The following SORCS2 variants were observed in gnomAD, a reference collection of about 807,000 sequenced individuals.
SORCS2 encodes the protein sortilin related VPS10 domain containing receptor 2.
SORCS2 carries 100 observed loss-of-function variants against 141.6 expected under a neutral mutation model. The observed-to-expected ratio is 0.71, with a 90% CI of 0.60 to 0.83. The LOEUF (loss-of-function observed/expected upper bound fraction) is 0.83. Among genes scored for constraint, SORCS2 ranks in the 40% least tolerant of loss-of-function variants. The pLI is 0.00. For synonymous variants in SORCS2, 789 were observed against 676.9 expected, an observed-to-expected ratio of 1.17 and a Z score of -2.57; for missense variants, 1,646 against 1,560.2, an observed-to-expected ratio of 1.05 and a Z score of -0.93.
At chr4:7,498,729 G>T (rs1731781586) in intron 2 of SORCS2, among the ~76,000 whole-genome samples, 1 of 152,362 alleles carries the variant, frequency 6.6e-6, no homozygotes, top group East Asian at 1.9e-4. Context: ...TGGAGCAGAG[G>T]TGTCTACACC....
intron 19 of SORCS2, among the ~76,000 whole-genome samples, chr4:7,724,372 ATGG>A (rs1447472207): frequency 1.9e-4 from 24 of 128,608 alleles, no homozygotes; most frequent in Admixed American, 3.2e-4. Context: ...AATGGTGATG[ATGG>A]TGGTGATAGG....
intron 3 of SORCS2, among the ~76,000 whole-genome samples, chr4:7,567,405 A>G (rs1365046566): frequency 6.6e-6 from 1 of 151,928 alleles, no homozygotes; most frequent in Non-Finnish European, 1.5e-5. Context: ...CTTGTTTGTG[A>G]TAACTTTGAC....
chr4:7,380,811 T>C (rs1379139711), intron 1 of SORCS2, among the ~76,000 whole-genome samples: 5 of 152,296 alleles, frequency 3.3e-5, no homozygotes, highest in Non-Finnish European at 5.9e-5. Flanking sequence ...GTTAATTAGG[T>C]GCGGTGGCTC....
chr4:7,714,210 C>A, intron 15 of SORCS2, 30 bp from the exon 16 acceptor site: 1 of 1,599,846 alleles, frequency 6.3e-7, no homozygotes, highest in Non-Finnish European at 8.5e-7. Context: ...CTGTCTCAGG[C>A]AGCTCCTTAC....
At chr4:7,481,449 C>A (rs1005658116) in intron 2 of SORCS2, among the ~76,000 whole-genome samples, 6 of 152,088 alleles carry the variant, frequency 3.9e-5, no homozygotes, top group Admixed American at 3.9e-4. Flanking sequence ...GCCGGGAGGC[C>A]CAGGAAACCT....
chr4:7,474,492 G>A (rs112871916), intron 2 of SORCS2, among the ~76,000 whole-genome samples: 5 of 152,210 alleles, frequency 3.3e-5, no homozygotes, highest in Admixed American at 1.3e-4. Context: ...GCTGATGTCC[G>A]CAGCACGGTC....
chr4:7,637,572 C>A (rs1013742244), intron 3 of SORCS2, among the ~76,000 whole-genome samples: 1 of 152,064 alleles, frequency 6.6e-6, no homozygotes, highest in African/African-American at 2.4e-5. Context: ...AGAACAGTGC[C>A]CCGCACTCCA....
chr4:7,675,424 G>A (rs1723045590), intron 8 of SORCS2, among the ~76,000 whole-genome samples: 1 of 152,184 alleles, frequency 6.6e-6, no homozygotes, highest in African/African-American at 2.4e-5. Context: ...AAAGAAGTCT[G>A]GCACATGTAC....
At chr4:7,707,872 T>C (rs1346587992) in intron 14 of SORCS2, among the ~76,000 whole-genome samples, 1 of 152,104 alleles carries the variant, frequency 6.6e-6, no homozygotes, top group African/African-American at 2.4e-5. Flanking sequence ...AGAGGTGAGC[T>C]GGGCCCATCA....
At chr4:7,370,069 GC>G (rs1235928588) in intron 1 of SORCS2, among the ~76,000 whole-genome samples, 1 of 152,178 alleles carries the variant, frequency 6.6e-6, no homozygotes, top group South Asian at 2.1e-4. Flanking sequence ...TGGCCTCAGT[GC>G]CCCCCCAGCT....
At chr4:7,226,518 G>T (rs1729002175) in intron 1 of SORCS2, among the ~76,000 whole-genome samples, 1 of 152,148 alleles carries the variant, frequency 6.6e-6, no homozygotes, top group South Asian at 2.1e-4. Flanking sequence ...GAATGTATGA[G>T]GGGACTCATC....
intron 4 of SORCS2, among the ~76,000 whole-genome samples, chr4:7,641,449 A>G (rs1425546955): frequency 6.6e-6 from 1 of 152,168 alleles, no homozygotes; most frequent in Non-Finnish European, 1.5e-5. Flanking sequence ...CCATGATCCA[A>G]TCACTTCCCA....
chr4:7,296,198 A>G (rs1429087572), intron 1 of SORCS2, among the ~76,000 whole-genome samples: 1 of 152,146 alleles, frequency 6.6e-6, no homozygotes, highest in African/African-American at 2.4e-5. Flanking sequence ...GGGTGCCCCC[A>G]TCTTCCTGGA....
At chr4:7,545,670 C>T (rs574680054) in intron 3 of SORCS2, among the ~76,000 whole-genome samples, 4 of 152,160 alleles carry the variant, frequency 2.6e-5, no homozygotes, top group African/African-American at 9.7e-5. Flanking sequence ...AGACCCACCC[C>T]GCTGCATCAG....
chr4:7,657,393 TAAC>T lies in SORCS2; in HGVS notation c.887+3187_887+3189del, dbSNP rs1721843225. ...CTGAGTGAGTAAATGGATGAGTAAA[TAAC>T]TGAGTGTGTGATTGAGTGAGGGAAT... On this transcript the variant is annotated intron_variant, in intron 5 of 26. Coordinates refer to ENST00000507866, the MANE Select transcript of SORCS2 (RefSeq NM_020777.3). 2.8e-4 allele frequency among the ~76,000 whole-genome samples: 10 copies of T among 35,934 alleles called. No homozygotes were observed. In the Admixed American group the frequency reaches 4.4e-3, roughly 16 times the overall value. 23.6% of individuals were successfully genotyped at this position (35,934 alleles called of 152,430 possible).
At chr4:7,496,720 G>A (rs964849514) in intron 2 of SORCS2, among the ~76,000 whole-genome samples, 2 of 152,140 alleles carry the variant, frequency 1.3e-5, no homozygotes, top group South Asian at 2.1e-4. Flanking sequence ...CAAAGCTACA[G>A]AAGGGAGCGA....
chr4:7,242,827 C>T (rs940379137), intron 1 of SORCS2, among the ~76,000 whole-genome samples: 4 of 152,222 alleles, frequency 2.6e-5, no homozygotes, highest in African/African-American at 4.8e-5. Context: ...TGTCTATGAG[C>T]GCCCCAGCTT....
chr4:7,434,406 G>A (rs756174829), intron 2 of SORCS2: 2 of 1,608,244 alleles, frequency 1.2e-6, no homozygotes, highest in Admixed American at 3.4e-5. Flanking sequence ...CAGCCTCAAA[G>A]GTGTCCTCTT....
At chr4:7,400,656 T>C (rs991746328) in intron 2 of SORCS2, among the ~76,000 whole-genome samples, 1 of 152,090 alleles carries the variant, frequency 6.6e-6, no homozygotes, top group Non-Finnish European at 1.5e-5. Context: ...AATGGACAGA[T>C]GGATGGATGG....
Sources: gnomAD v4.1 joint callset for allele counts (sites outside exome capture counted in the v4.1 genomes callset) on GRCh38, gnomAD v4.1.1 for gene constraint, MANE v1.5 for transcripts, NCBI Gene and HGNC (gene_info 2026-07-23, HGNC 2026-07-21) for gene names.